Variants in ME2 observed in about 807,000 individuals in gnomAD.
ME2 encodes malic enzyme 2.
In ME2, 60 loss-of-function variants were observed where a neutral mutation model predicts 73.7. The ratio of observed to expected loss-of-function variants is 0.81; its 90% CI spans 0.66 to 1.01. The LOEUF (loss-of-function observed/expected upper bound fraction) is 1.01. ME2 is among the 50% of genes least tolerant of loss of function. The pLI, the probability that ME2 is intolerant of heterozygous loss-of-function variation, is 0.00. For missense variants in ME2, 594 were observed against 705.5 expected, an observed-to-expected ratio of 0.84 and a Z score of 1.79; for synonymous variants, 199 against 236.9, an observed-to-expected ratio of 0.84 and a Z score of 1.47.
rs1168398110 is a variant in ME2, at chr18:50,914,045, T to C, written c.392+1095T>C. On this transcript the variant is annotated intron_variant, in intron 4 of 15. Coordinates refer to ENST00000321341, the MANE Select transcript of ME2 (RefSeq NM_002396.5). ...GCCTTGTCTAGTGGCTTTCAAACTT[T>C]AATGTGTGTAAGAAATACCTGTGGG... is the stretch of plus-strand genomic sequence containing the variant. Among the ~76,000 whole-genome samples the C allele has an allele frequency of 4.6e-5, 7 of 152,170 alleles. No individual in the cohort carries two copies. The East Asian group carries it at 1.2e-3, about 25-fold the overall frequency.
At chr18:50,941,261 C>CA (rs35785739) in intron 15 of ME2, among the ~76,000 whole-genome samples, 4,690 of 89,644 alleles carry the variant, frequency 0.052, 164 homozygotes, top group Non-Finnish European at 0.074. Flanking sequence ...AACTCCATCT[C>CA]AAAAAAAAAA....
intron 1 of ME2, among the ~76,000 whole-genome samples, chr18:50,894,636 C>T (rs1224754843): frequency 3.3e-5 from 5 of 149,710 alleles, no homozygotes; most frequent in Non-Finnish European, 5.9e-5. Flanking sequence ...TTTGGGAGGC[C>T]GAGGCAGGCA....
intron 9 of ME2, 35 bp from the exon 10 acceptor site, chr18:50,921,039 C>A: frequency 9.7e-7 from 1 of 1,035,642 alleles, no homozygotes. Flanking sequence ...GCATCGTACT[C>A]TAGTATATAT....
At chr18:50,904,197 A>AT (rs1462859021) in intron 2 of ME2, among the ~76,000 whole-genome samples, 3 of 151,566 alleles carry the variant, frequency 2.0e-5, no homozygotes, top group African/African-American at 7.3e-5. Flanking sequence ...TTTGTGTGGT[A>AT]TATCTTTTTC....
chr18:50,886,280 G>T (rs931687289), intron 1 of ME2, among the ~76,000 whole-genome samples: 1 of 147,374 alleles, frequency 6.8e-6, no homozygotes, highest in Non-Finnish European at 1.5e-5. Flanking sequence ...GTCTCACTCC[G>T]TTGCCCAGGC....
At position 50,951,869 on chromosome 18, in the gene ME2, A is replaced by C. The variant is rs1448857531; in HGVS notation, c.*4685A>C. 1.5e-4 allele frequency: 3 copies of C among 20,376 alleles called. No individual in the cohort carries two copies. The highest frequency in any genetic ancestry group is 5.8e-4 in the African/African-American group (3 of 5,130). The allele number at this position is 20,376 out of a possible 1,614,324, so 1.3% of individuals were successfully genotyped here. A position where few individuals can be genotyped will look rare whatever the true frequency, so the allele number is the denominator to read the frequency against. ...GCGACAGAGTGAGCCTCCATCTCAA[A>C]AAAAAAAAAAAAAAAAAAAAAAAAA... On this transcript the variant is annotated 3_prime_UTR_variant, in exon 16 of 16. Transcript: ENST00000321341.
chr18:50,895,680 C>T (rs1916721924), intron 1 of ME2, 129 bp from the exon 2 acceptor site: 1 of 623,188 alleles, frequency 1.6e-6, no homozygotes, highest in Non-Finnish European at 2.8e-6. Context: ...TCACCTTCGC[C>T]TCTTGTTACC....
intron 13 of ME2, among the ~76,000 whole-genome samples, chr18:50,938,195 G>T (rs757251652): frequency 6.6e-6 from 1 of 152,152 alleles, no homozygotes; most frequent in Non-Finnish European, 1.5e-5. Context: ...AGGTGCGATG[G>T]TACATGCCTG....
chr18:50,926,923 C>T (rs1400606710), intron 12 of ME2, among the ~76,000 whole-genome samples: 1 of 152,200 alleles, frequency 6.6e-6, no homozygotes. Flanking sequence ...TTCTTGTACT[C>T]ACATTTCATG....
intron 7 of ME2, among the ~76,000 whole-genome samples, 171 bp downstream of exon 7, chr18:50,918,384 C>T (rs912578519): frequency 2.6e-5 from 4 of 151,054 alleles, no homozygotes; most frequent in Admixed American, 6.6e-5. Flanking sequence ...TTAGATGTGC[C>T]GATATGAGGT....
At position 50,950,606 on chromosome 18, in the gene ME2, TCC is replaced by T. The variant is rs1266809614; in HGVS notation, c.*3423_*3424del. On this transcript the variant is annotated 3_prime_UTR_variant, in exon 16 of 16. Transcript: ENST00000321341. ...CTCAAACGATCCTCCCGCCTCAGCC[TCC>T]TGAGTAGCTGGGACTATAGGCGCAA... is the stretch of plus-strand genomic sequence containing the variant. 6.7e-6 allele frequency: 1 copy of T among 149,410 alleles called. No homozygotes were observed. The highest frequency in any genetic ancestry group is 2.5e-5 in the African/African-American group (1 of 40,612). 9.3% of individuals were successfully genotyped at this position (149,410 alleles called of 1,614,324 possible). A position where few individuals can be genotyped will look rare whatever the true frequency, so the allele number is the denominator to read the frequency against.
chr18:50,908,309 G>A, intron 3 of ME2, 113 bp downstream of exon 3: 1 of 675,572 alleles, frequency 1.5e-6, no homozygotes, highest in Non-Finnish European at 2.3e-6. Flanking sequence ...TTTGTGTTTT[G>A]TCAGTTAACT....
chr18:50,922,625 A>G (rs537512057), intron 10 of ME2, among the ~76,000 whole-genome samples: 22 of 152,366 alleles, frequency 1.4e-4, no homozygotes, highest in Non-Finnish European at 2.8e-4. Context: ...GGTCTAACAC[A>G]GTATTGGTAG....
intron 13 of ME2, chr18:50,935,425 G>C (rs1282631225): frequency 6.6e-6 from 1 of 151,846 alleles, no homozygotes; most frequent in African/African-American, 2.4e-5. Context: ...CTAAATTCTA[G>C]AATTGAAAAA....
chr18:50,928,084 C>T (rs1314036957), intron 12 of ME2, among the ~76,000 whole-genome samples: 1 of 151,880 alleles, frequency 6.6e-6, no homozygotes, highest in Non-Finnish European at 1.5e-5. Flanking sequence ...TCCCAAAGTG[C>T]TGGGATTACA....
At chr18:50,890,218 T>A (rs1916572063) in intron 1 of ME2, among the ~76,000 whole-genome samples, 1 of 152,170 alleles carries the variant, frequency 6.6e-6, no homozygotes, top group African/African-American at 2.4e-5. Context: ...TTATTTTTTA[T>A]TAATACTACA....
intron 3 of ME2, among the ~76,000 whole-genome samples, chr18:50,909,538 G>A (rs16952681): frequency 0.019 from 2,963 of 152,204 alleles, 91 homozygotes; most frequent in African/African-American, 0.067. Flanking sequence ...TAGAGGGATC[G>A]GTCTGCATAT....
intron 2 of ME2, among the ~76,000 whole-genome samples, chr18:50,903,704 A>G (rs1916944084): frequency 6.6e-6 from 1 of 152,320 alleles, no homozygotes; most frequent in Non-Finnish European, 1.5e-5. Context: ...CCGTGCTGGC[A>G]TCCCAAAATG....
At chr18:50,907,986 A>T in intron 2 of ME2, 77 bp from the exon 3 acceptor site, 2 of 1,136,950 alleles carry the variant, frequency 1.8e-6, no homozygotes, top group Non-Finnish European at 2.5e-6. Context: ...ATTTGCATTT[A>T]AATTATATTT....
Sources: allele counts gnomAD v4.1 joint callset (sites outside exome capture counted in the v4.1 genomes callset), GRCh38; gene constraint gnomAD v4.1.1; transcripts MANE v1.5; gene names NCBI Gene and HGNC (gene_info 2026-07-23, HGNC 2026-07-21).